UNC13C: variants seen among roughly 807,000 people sequenced by gnomAD.
The protein encoded by UNC13C is unc-13 homolog C, also known as protein unc-13 homolog C.
A neutral mutation model predicts 245.4 loss-of-function variants in UNC13C; 174 were observed. That is an observed-to-expected ratio of 0.71 (90% CI 0.63 to 0.80). UNC13C has a LOEUF of 0.80. Among genes scored for constraint, UNC13C ranks in the 30% least tolerant of loss-of-function variants. The pLI, the probability that UNC13C is intolerant of heterozygous loss-of-function variation, is 0.00. For synonymous variants in UNC13C, 992 were observed against 895.1 expected (o/e 1.11, Z -1.93); for missense variants, 2,829 against 2,602.9 (o/e 1.09, Z -1.89).
At chr15:54,228,192 G>T (rs1237559025) in intron 4 of UNC13C, among the ~76,000 whole-genome samples, 1 of 152,044 alleles carries the variant, frequency 6.6e-6, no homozygotes, top group East Asian at 1.9e-4. Flanking sequence ...CAAGGCCCAA[G>T]ACCTCTTTCG....
intron 30 of UNC13C, among the ~76,000 whole-genome samples, chr15:54,584,160 G>C (rs949316422): frequency 1.3e-5 from 2 of 152,086 alleles, no homozygotes; most frequent in African/African-American, 4.8e-5. Context: ...CTGGTTTCTG[G>C]CCCCCTCCAA....
intron 22 of UNC13C, among the ~76,000 whole-genome samples, chr15:54,504,450 T>TA (rs1212583554): frequency 6.6e-6 from 1 of 152,126 alleles, no homozygotes; most frequent in African/African-American, 2.4e-5. Context: ...TGAAACAGAC[T>TA]AAAAACGTTT....
chr15:54,544,680 G>A (rs565827086), intron 26 of UNC13C, among the ~76,000 whole-genome samples: 1 of 152,216 alleles, frequency 6.6e-6, no homozygotes, highest in African/African-American at 2.4e-5. Context: ...CAAATCATGA[G>A]TGAACTCCCA....
At chr15:54,353,424 ACAAT>A (rs1001596534) in intron 17 of UNC13C, among the ~76,000 whole-genome samples, 4 of 152,226 alleles carry the variant, frequency 2.6e-5, no homozygotes, top group African/African-American at 7.2e-5. Context: ...GGGAAATGTC[ACAAT>A]CAATCAATCA....
At position 54,549,623 on chromosome 15, in the gene UNC13C, CTT is replaced by C. The variant is rs1566902782; in HGVS notation, c.5821-10_5821-9del. ...AAGACTGAGTCTTCTCTCACTTTTT[CTT>C]TGTTTCTAGGGACCCCAGATGATTT... On this transcript the variant is annotated splice_polypyrimidine_tract_variant and intron_variant, in intron 27 of 32. Coordinates refer to ENST00000260323, the MANE Select transcript of UNC13C (RefSeq NM_001080534.3). The C allele has an allele frequency of 6.3e-7, 1 of 1,592,622 alleles. No individual in the cohort carries two copies.
the UNC13C span, among the ~76,000 whole-genome samples, chr15:53,888,814 C>A: frequency 2.8e-4 from 43 of 152,246 alleles, no homozygotes; most frequent in Admixed American, 5.9e-4. Flanking sequence ...GGTATCTTTT[C>A]CCCATTGCTT....
At chr15:54,478,288 T>G (rs1892890454) in intron 19 of UNC13C, among the ~76,000 whole-genome samples, 1 of 55,570 alleles carries the variant, frequency 1.8e-5, no homozygotes, top group Non-Finnish European at 3.7e-5. Flanking sequence ...TTTTTGAAGA[T>G]TTTTTTTTTG....
intron 17 of UNC13C, among the ~76,000 whole-genome samples, chr15:54,343,026 C>T (rs2038771308): frequency 6.6e-6 from 1 of 152,164 alleles, no homozygotes; most frequent in Non-Finnish European, 1.5e-5. Flanking sequence ...TTTCCATCTT[C>T]CTCCCATAGG....
intron 2 of UNC13C, among the ~76,000 whole-genome samples, chr15:54,118,832 C>T (rs552976383): frequency 3.4e-5 from 5 of 149,224 alleles, no homozygotes; most frequent in Admixed American, 6.7e-5. Flanking sequence ...CTGTTTGTTG[C>T]GGTTTTTATC....
At chr15:54,469,901 A>G (rs567466891) in intron 19 of UNC13C, among the ~76,000 whole-genome samples, 2 of 151,570 alleles carry the variant, frequency 1.3e-5, no homozygotes, top group African/African-American at 4.8e-5. Flanking sequence ...CATGTCATAT[A>G]TGGTCTTTAC....
chr15:54,263,685 C>T (rs772185730), intron 8 of UNC13C, among the ~76,000 whole-genome samples: 3 of 152,064 alleles, frequency 2.0e-5, no homozygotes, highest in Admixed American at 6.6e-5. Flanking sequence ...ATTTTCTTCC[C>T]AAGTAAAATC....
At chr15:53,847,908 G>A in the UNC13C span, among the ~76,000 whole-genome samples, 1 of 152,160 alleles carries the variant, frequency 6.6e-6, no homozygotes, top group African/African-American at 2.4e-5. Flanking sequence ...AACATGCAAA[G>A]ATACTTAAGC....
rs139630718 is a variant in UNC13C at position 54,617,495 on chromosome 15, A to G, written c.6107-4832A>G. On this transcript the variant is annotated intron_variant, in intron 30 of 32. Coordinates refer to ENST00000260323, the MANE Select transcript of UNC13C (RefSeq NM_001080534.3). Reference sequence around the variant, plus strand: ...TTATTGACTTAAACAGGCAACTAACATCTGAATCCCAGTCTTACCATCTGT... The same window carrying G: ...TTATTGACTTAAACAGGCAACTAACGTCTGAATCCCAGTCTTACCATCTGT... Among the ~76,000 whole-genome samples, 1,435 of 152,188 alleles carry G rather than the reference A, an allele frequency of 9.4e-3. 21 individuals are homozygous for G. Among genetic ancestry groups the G allele is most frequent in the African/African-American group, 0.034 (1,394 of 41,552 alleles).
intron 4 of UNC13C, among the ~76,000 whole-genome samples, chr15:54,155,535 A>G (rs979921323): frequency 3.3e-5 from 5 of 152,196 alleles, no homozygotes; most frequent in African/African-American, 9.7e-5. Context: ...TTCAAATTAT[A>G]TATTTTCCAC....
At chr15:53,874,142 A>AT in the UNC13C span, among the ~76,000 whole-genome samples, 2 of 151,952 alleles carry the variant, frequency 1.3e-5, no homozygotes, top group African/African-American at 4.8e-5. Flanking sequence ...CACCCAGCTA[A>AT]TTTTTGTATT....
intron 19 of UNC13C, among the ~76,000 whole-genome samples, chr15:54,455,211 A>C (rs1305779629): frequency 0.049 from 1,822 of 36,952 alleles, 67 homozygotes; most frequent in Non-Finnish European, 0.059. Flanking sequence ...CTCTCTATAT[A>C]TATATATATA....
At chr15:54,364,024 C>G (rs529411694) in intron 17 of UNC13C, among the ~76,000 whole-genome samples, 5 of 152,220 alleles carry the variant, frequency 3.3e-5, no homozygotes, top group Non-Finnish European at 5.9e-5. Flanking sequence ...CGAATTACAT[C>G]AATTCAGTAC....
At chr15:54,435,757 A>AT (rs1005017543) in intron 19 of UNC13C, among the ~76,000 whole-genome samples, 2 of 94,400 alleles carry the variant, frequency 2.1e-5, no homozygotes, top group African/African-American at 7.4e-5. Flanking sequence ...ATAAATAAAA[A>AT]TAAAAAAAGA....
chr15:54,622,234 A>G (rs1194683453), intron 30 of UNC13C, 93 bp from the exon 31 acceptor site: 1 of 855,294 alleles, frequency 1.2e-6, no homozygotes, highest in Non-Finnish European at 2.0e-6. Flanking sequence ...TTCATTTCCA[A>G]TAATACATTT....
Sources: allele counts gnomAD v4.1 joint callset (sites outside exome capture counted in the v4.1 genomes callset), GRCh38; gene constraint gnomAD v4.1.1; transcripts MANE v1.5; gene names NCBI Gene and HGNC (gene_info 2026-07-23, HGNC 2026-07-21).